Variants in CSMD1 observed in about 807,000 individuals in gnomAD.
CSMD1 encodes the protein CUB and Sushi multiple domains 1, also known as CUB and sushi domain-containing protein 1.
In CSMD1, 213 loss-of-function variants were observed where a neutral mutation model predicts 417.5. That is an observed-to-expected ratio of 0.51 (90% CI 0.46 to 0.57). The LOEUF (loss-of-function observed/expected upper bound fraction) is 0.57, where lower values mean the gene tolerates loss of function less well. Among genes scored for constraint, CSMD1 ranks in the 20% least tolerant of loss-of-function variants. CSMD1 has a pLI of 0.00. For missense variants in CSMD1, 6,923 were observed against 4,529.7 expected (o/e 1.53, Z -15.17); for synonymous variants, 2,862 against 1,736.8 (o/e 1.65, Z -16.11).
rs1563218170 is a variant in CSMD1 at position 3,926,090 on chromosome 8, C to CACACACACACACAAACACCAT, written c.818+71812_818+71813insATGGTGTTTGTGTGTGTGTGT. Among the ~76,000 whole-genome samples, 26 of 41,578 alleles carry CACACACACACACAAACACCAT rather than the reference C, an allele frequency of 6.3e-4. No homozygotes were observed. In the African/African-American group the frequency reaches 6.4e-3, roughly 10 times the overall value. The allele number at this position is 41,578 out of a possible 152,430, so 27.3% of individuals were successfully genotyped here. ...CACACACACAAACACCATACACACA[C>CACACACACACACAAACACCAT]ACACACACACACACACACACACACA... is the stretch of plus-strand genomic sequence containing the variant. On this transcript the variant is annotated intron_variant, in intron 5 of 69. Transcript: ENST00000635120.
intron 5 of CSMD1, among the ~76,000 whole-genome samples, chr8:3,807,525 C>T (rs1258966288): frequency 6.6e-6 from 1 of 152,162 alleles, no homozygotes; most frequent in African/African-American, 2.4e-5. Flanking sequence ...AGAGCTTCAA[C>T]AGATACTAAT....
intron 1 of CSMD1, among the ~76,000 whole-genome samples, chr8:4,717,696 G>C (rs891650059): frequency 6.6e-6 from 1 of 151,880 alleles, no homozygotes; most frequent in Non-Finnish European, 1.5e-5. Flanking sequence ...GAAGAGGCTG[G>C]GTAACCAAGA....
intron 3 of CSMD1, among the ~76,000 whole-genome samples, chr8:4,192,472 C>T (rs57080574): frequency 0.023 from 3,449 of 152,200 alleles, 127 homozygotes; most frequent in African/African-American, 0.077. Flanking sequence ...CTCGGTAGCA[C>T]TGATGTTGAC....
At chr8:4,944,427 T>C (rs1288593755) in intron 1 of CSMD1, among the ~76,000 whole-genome samples, 1 of 152,182 alleles carries the variant, frequency 6.6e-6, no homozygotes, top group African/African-American at 2.4e-5. Flanking sequence ...AAATACTTTT[T>C]GAGATATAAT....
At chr8:3,576,635 A>G (rs1011982219) in intron 9 of CSMD1, among the ~76,000 whole-genome samples, 2 of 152,344 alleles carry the variant, frequency 1.3e-5, no homozygotes, top group East Asian at 1.9e-4. Flanking sequence ...TGGGTAAAAC[A>G]TAACTGGGTT....
At chr8:3,248,065 T>G (rs1007479373) in intron 26 of CSMD1, among the ~76,000 whole-genome samples, 2 of 152,170 alleles carry the variant, frequency 1.3e-5, no homozygotes, top group African/African-American at 4.8e-5. Context: ...AAGTGGCTCA[T>G]GTCTGTAATC....
intron 3 of CSMD1, among the ~76,000 whole-genome samples, chr8:4,403,416 A>C (rs1453917851): frequency 1.3e-5 from 2 of 152,188 alleles, no homozygotes; most frequent in Non-Finnish European, 2.9e-5. Context: ...CCACAGAAGT[A>C]AGAGTTTCAC....
At chr8:2,947,592 CA>C (rs1321045451) in intron 68 of CSMD1, among the ~76,000 whole-genome samples, 1 of 152,162 alleles carries the variant, frequency 6.6e-6, no homozygotes. Flanking sequence ...CGTGTAATAG[CA>C]AACTGATAGT....
intron 26 of CSMD1, among the ~76,000 whole-genome samples, chr8:3,230,908 A>T (rs1317575597): frequency 2.0e-5 from 3 of 152,210 alleles, no homozygotes; most frequent in African/African-American, 7.2e-5. Flanking sequence ...TGCTGAGTAG[A>T]GGCCAGACTC....
At chr8:4,652,475 A>C (rs1803956478) in intron 1 of CSMD1, among the ~76,000 whole-genome samples, 1 of 151,974 alleles carries the variant, frequency 6.6e-6, no homozygotes, top group African/African-American at 2.4e-5. Flanking sequence ...TACCAGAAAG[A>C]ACCACTGTGC....
chr8:4,769,348 C>G (rs76129099), intron 1 of CSMD1, among the ~76,000 whole-genome samples: 1,673 of 152,184 alleles, frequency 0.011, 34 homozygotes, highest in African/African-American at 0.038. Context: ...AGTAAGTATA[C>G]TATGGGTTTT....
intron 1 of CSMD1, among the ~76,000 whole-genome samples, chr8:4,708,838 C>T (rs765272415): frequency 6.6e-5 from 10 of 152,144 alleles, no homozygotes; most frequent in East Asian, 5.8e-4. Context: ...GTCCCTAATC[C>T]GACATGACTG....
intron 5 of CSMD1, among the ~76,000 whole-genome samples, chr8:3,944,661 G>A (rs973034858): frequency 6.6e-6 from 1 of 152,054 alleles, no homozygotes; most frequent in Non-Finnish European, 1.5e-5. Context: ...TCATTTTTGG[G>A]GAATGGTGGG....
At chr8:4,001,916 C>A (rs1001894714) in intron 4 of CSMD1, among the ~76,000 whole-genome samples, 13 of 151,924 alleles carry the variant, frequency 8.6e-5, no homozygotes, top group Admixed American at 5.9e-4. Flanking sequence ...ATTCCCAAAC[C>A]TTATGACTAT....
intron 3 of CSMD1, among the ~76,000 whole-genome samples, chr8:4,183,478 G>T (rs759535077): frequency 2.7e-4 from 41 of 152,218 alleles, no homozygotes; most frequent in Non-Finnish European, 4.9e-4. Context: ...TTCAATTGGA[G>T]GTGAAAACAC....
intron 1 of CSMD1, among the ~76,000 whole-genome samples, chr8:4,664,140 A>C (rs1804775175): frequency 6.6e-6 from 1 of 152,184 alleles, no homozygotes; most frequent in Non-Finnish European, 1.5e-5. Flanking sequence ...CAGGTACACC[A>C]GCTGGTAAAG....
intron 2 of CSMD1, among the ~76,000 whole-genome samples, chr8:4,448,587 A>G (rs970279609): frequency 6.6e-6 from 1 of 152,200 alleles, no homozygotes; most frequent in Admixed American, 6.5e-5. Context: ...GTATTGTGCA[A>G]TTTTAAAGTC....
chr8:4,448,298 C>G (rs965472599), intron 2 of CSMD1, among the ~76,000 whole-genome samples: 2 of 152,120 alleles, frequency 1.3e-5, no homozygotes, highest in Admixed American at 6.5e-5. Context: ...AAAAAGGGTA[C>G]ATTTTGTTTG....
chr8:4,754,544 GTTT>G (rs34906339), intron 1 of CSMD1, among the ~76,000 whole-genome samples: 1 of 145,430 alleles, frequency 6.9e-6, no homozygotes. Context: ...TGCACACTTT[GTTT>G]TTTTTTTTTT....
Sources: allele counts gnomAD v4.1 joint callset (sites outside exome capture counted in the v4.1 genomes callset), GRCh38; gene constraint gnomAD v4.1.1; transcripts MANE v1.5; gene names NCBI Gene and HGNC (gene_info 2026-07-23, HGNC 2026-07-21).